The following ENTREP2 variants were observed in gnomAD, a reference collection of about 807,000 sequenced individuals.
ENTREP2 encodes the protein endosomal transmembrane epsin interactor 2.
At chr15:29,136,597 T>G in the ENTREP2 span, 2 of 1,306,964 alleles carry the variant, frequency 1.5e-6, no homozygotes, top group Non-Finnish European at 2.1e-6. Flanking sequence ...GGCCAGGGCT[T>G]CCCCTCTTCT....
At chr15:29,479,339 C>T in the ENTREP2 span, among the ~76,000 whole-genome samples, 2 of 152,126 alleles carry the variant, frequency 1.3e-5, no homozygotes, top group African/African-American at 4.8e-5. Flanking sequence ...GAAGCAGATG[C>T]CGCTATGCTT....
the ENTREP2 span, among the ~76,000 whole-genome samples, chr15:29,326,158 A>G: frequency 6.6e-6 from 1 of 152,186 alleles, no homozygotes; most frequent in Non-Finnish European, 1.5e-5. Context: ...CTTTCCCCCA[A>G]AAAAGAACAA....
the ENTREP2 span, among the ~76,000 whole-genome samples, chr15:29,165,163 T>C: frequency 1.3e-5 from 2 of 151,964 alleles, no homozygotes; most frequent in Non-Finnish European, 2.9e-5. Context: ...CTCTGGGATA[T>C]AAGCAGAGGT....
chr15:29,355,560 T>C, the ENTREP2 span, among the ~76,000 whole-genome samples: 2 of 151,802 alleles, frequency 1.3e-5, no homozygotes, highest in African/African-American at 4.8e-5. Flanking sequence ...AAATGATTAA[T>C]AATGCATGCT....
the ENTREP2 span, among the ~76,000 whole-genome samples, chr15:29,603,177 T>G: frequency 6.6e-6 from 1 of 152,010 alleles, no homozygotes. Flanking sequence ...AGAAGAGATG[T>G]GATGTGACCT....
chr15:29,249,946 C>G, the ENTREP2 span, among the ~76,000 whole-genome samples: 2 of 152,148 alleles, frequency 1.3e-5, no homozygotes, highest in Admixed American at 1.3e-4. Context: ...TTTAAACAAC[C>G]AGCTCTCGTG....
the ENTREP2 span, among the ~76,000 whole-genome samples, chr15:29,619,813 C>T: frequency 6.6e-6 from 1 of 152,022 alleles, no homozygotes; most frequent in Non-Finnish European, 1.5e-5. Flanking sequence ...CTCCTGGCCA[C>T]GTGCCTGGAG....
the ENTREP2 span, among the ~76,000 whole-genome samples, chr15:29,381,612 T>C: frequency 1.3e-5 from 2 of 152,134 alleles, no homozygotes; most frequent in Non-Finnish European, 2.9e-5. Flanking sequence ...AACACAGTGC[T>C]TCTCACAAGC....
chr15:29,350,660 A>T, the ENTREP2 span, among the ~76,000 whole-genome samples: 1 of 152,124 alleles, frequency 6.6e-6, no homozygotes. Flanking sequence ...TTCATAAGAG[A>T]GGGTGGGTAT....
At chr15:29,245,326 C>T in the ENTREP2 span, among the ~76,000 whole-genome samples, 3 of 151,790 alleles carry the variant, frequency 2.0e-5, no homozygotes, top group South Asian at 2.1e-4. Flanking sequence ...AATCCTAGAT[C>T]GATAAAACAC....
At chr15:29,294,018 T>C in the ENTREP2 span, among the ~76,000 whole-genome samples, 1 of 152,142 alleles carries the variant, frequency 6.6e-6, no homozygotes, top group Non-Finnish European at 1.5e-5. Context: ...CCACCCCCCA[T>C]GTCACTGCCA....
the ENTREP2 span, among the ~76,000 whole-genome samples, chr15:29,585,788 G>A: frequency 2.0e-5 from 3 of 150,666 alleles, no homozygotes; most frequent in East Asian, 2.0e-4. Context: ...CCCAGAAGGC[G>A]GAACTTGCAG....
the ENTREP2 span, among the ~76,000 whole-genome samples, chr15:29,669,945 G>T: frequency 6.6e-6 from 1 of 152,174 alleles, no homozygotes; most frequent in Non-Finnish European, 1.5e-5. Flanking sequence ...CATGTTGGCT[G>T]TGCTTAAAAA....
At chr15:29,158,571 A>AT in the ENTREP2 span, among the ~76,000 whole-genome samples, 2 of 151,960 alleles carry the variant, frequency 1.3e-5, no homozygotes, top group African/African-American at 4.8e-5. Context: ...CTCCCGTCTA[A>AT]TTTTGATGTA....
chr15:29,173,504 G>T, the ENTREP2 span, among the ~76,000 whole-genome samples: 2 of 152,174 alleles, frequency 1.3e-5, no homozygotes, highest in Admixed American at 1.3e-4. Flanking sequence ...GGGATGACTG[G>T]CTTAGACTTT....
At chr15:29,318,314 CT>C in the ENTREP2 span, among the ~76,000 whole-genome samples, 77,407 of 150,398 alleles carry the variant, frequency 0.51, 22,547 homozygotes, top group African/African-American at 0.82. Context: ...GGTATGTACA[CT>C]TTTTTTTTTG....
At chr15:29,157,038 C>T in the ENTREP2 span, among the ~76,000 whole-genome samples, 2 of 151,970 alleles carry the variant, frequency 1.3e-5, no homozygotes, top group East Asian at 1.9e-4. Flanking sequence ...TGGAGGTAGC[C>T]GTGAGCCGAG....
the ENTREP2 span, among the ~76,000 whole-genome samples, chr15:29,439,043 A>G: frequency 6.6e-6 from 1 of 152,152 alleles, no homozygotes; most frequent in East Asian, 1.9e-4. Context: ...AACTGGCAAT[A>G]CATATATTTC....
chr15:29,205,209 A>G, the ENTREP2 span, among the ~76,000 whole-genome samples: 1 of 152,148 alleles, frequency 6.6e-6, no homozygotes, highest in African/African-American at 2.4e-5. Flanking sequence ...TATTTTCTTG[A>G]TAATTCATCT....
Sources: gnomAD v4.1 joint callset for allele counts (sites outside exome capture counted in the v4.1 genomes callset) on GRCh38, gnomAD v4.1.1 for gene constraint, MANE v1.5 for transcripts, NCBI Gene and HGNC (gene_info 2026-07-23, HGNC 2026-07-21) for gene names.